Variants in KLHL2 observed in about 807,000 individuals in gnomAD.
KLHL2 encodes the protein kelch-like protein 2.
A neutral mutation model predicts 75.8 loss-of-function variants in KLHL2; 15 were observed. The observed-to-expected ratio is 0.20, with a 90% CI of 0.13 to 0.30. KLHL2 has a LOEUF of 0.30. Among genes scored for constraint, KLHL2 ranks in the 10% least tolerant of loss-of-function variants. The pLI is 1.00. For missense variants in KLHL2, 381 were observed against 741.0 expected, an observed-to-expected ratio of 0.51 and a Z score of 5.64; for synonymous variants, 214 against 251.9, an observed-to-expected ratio of 0.85 and a Z score of 1.42.
intron 8 of KLHL2, among the ~76,000 whole-genome samples, chr4:165,303,987 T>C (rs554524381): frequency 2.0e-5 from 3 of 152,236 alleles, no homozygotes; most frequent in Non-Finnish European, 4.4e-5. Flanking sequence ...GTGATTCCCA[T>C]GCCTCAGCTT....
intron 1 of KLHL2, among the ~76,000 whole-genome samples, chr4:165,215,733 T>C (rs58426709): frequency 0.2 from 31,034 of 152,008 alleles, 3,816 homozygotes; most frequent in Non-Finnish European, 0.29. Context: ...ATTTTTTTTT[T>C]CTAAAAATAC....
At chr4:165,291,958 ATGG>A (rs1245088447) in intron 5 of KLHL2, among the ~76,000 whole-genome samples, 1 of 152,020 alleles carries the variant, frequency 6.6e-6, no homozygotes, top group African/African-American at 2.4e-5. Flanking sequence ...GCCTCTCAAC[ATGG>A]TGGGATTACA....
chr4:165,230,956 T>C (rs1282960195), intron 3 of KLHL2, among the ~76,000 whole-genome samples: 1 of 152,248 alleles, frequency 6.6e-6, no homozygotes, highest in African/African-American at 2.4e-5. Context: ...TACAACTAAC[T>C]AGTAGGTAGG....
In KLHL2 at chr4:165,310,805, G is replaced by A. The variant is rs1746101367; in HGVS notation, c.1237+55G>A. ...CTGCTAAAATTAACGTAGTAGTCAT[G>A]TTTATGGAATAAATTGTGGCAACAT... On this transcript the variant is annotated intron_variant, in intron 10 of 14. Transcript: ENST00000226725. 6 of 1,296,428 alleles carry A rather than the reference G, an allele frequency of 4.6e-6. No homozygotes were observed. The South Asian group carries it at 7.1e-5, about 15-fold the overall frequency. 80.3% of individuals were successfully genotyped at this position (1,296,428 alleles called of 1,614,324 possible).
At chr4:165,219,076 G>T (rs1446569585) in intron 1 of KLHL2, among the ~76,000 whole-genome samples, 1 of 152,128 alleles carries the variant, frequency 6.6e-6, no homozygotes, top group Admixed American at 6.5e-5. Flanking sequence ...CCCTCCTCAT[G>T]GGACCCTGAT....
chr4:165,247,668 G>T (rs1740372333), intron 4 of KLHL2, among the ~76,000 whole-genome samples: 1 of 152,170 alleles, frequency 6.6e-6, no homozygotes, highest in South Asian at 2.1e-4. Flanking sequence ...CAAGTTAGTG[G>T]CTTGGATGGT....
intron 5 of KLHL2, among the ~76,000 whole-genome samples, chr4:165,266,538 G>T (rs936573399): frequency 6.6e-6 from 1 of 152,076 alleles, no homozygotes; most frequent in African/African-American, 2.4e-5. Context: ...TTCTGCATAT[G>T]GCTAGCCTGT....
intron 4 of KLHL2, among the ~76,000 whole-genome samples, chr4:165,253,063 G>A (rs112845217): frequency 1.3e-5 from 2 of 152,026 alleles, no homozygotes; most frequent in Non-Finnish European, 2.9e-5. Context: ...ACGGAGTCTC[G>A]CTCTGTTGCC....
chr4:165,286,596 G>A (rs1053597425), intron 5 of KLHL2, among the ~76,000 whole-genome samples: 2 of 152,094 alleles, frequency 1.3e-5, no homozygotes, highest in African/African-American at 4.8e-5. Flanking sequence ...AATCAGCAGA[G>A]AGGTTGAGAA....
chr4:165,242,752 C>T (rs1739916938), intron 4 of KLHL2, among the ~76,000 whole-genome samples: 1 of 152,144 alleles, frequency 6.6e-6, no homozygotes, highest in African/African-American at 2.4e-5. Flanking sequence ...CAACCTTGGC[C>T]TCCTCAAGTG....
At chr4:165,311,011 C>A (rs149482748) in intron 10 of KLHL2, among the ~76,000 whole-genome samples, 2,270 of 151,986 alleles carry the variant, frequency 0.015, 38 homozygotes, top group East Asian at 0.09. Flanking sequence ...CCCGCCACCA[C>A]GCCCGGCTAA....
chr4:165,304,021 G>A lies in KLHL2; in HGVS notation c.922-1587G>A, dbSNP rs572623573. Among the ~76,000 whole-genome samples the A allele has an allele frequency of 5.9e-5, 9 of 152,124 alleles. No homozygotes were observed. In the East Asian group the frequency reaches 1.7e-3, roughly 29 times the overall value. On this transcript the variant is annotated intron_variant, in intron 8 of 14. Coordinates refer to ENST00000226725, the MANE Select transcript of KLHL2 (RefSeq NM_007246.4). ...TTCCCCAGTAGCTGGGATTACAGGT[G>A]TGCACCACCATGCCTGGCCAATTTT...
At chr4:165,229,277 C>T (rs1363386817) in intron 3 of KLHL2, among the ~76,000 whole-genome samples, 1 of 151,922 alleles carries the variant, frequency 6.6e-6, no homozygotes, top group Non-Finnish European at 1.5e-5. Flanking sequence ...TTACATTGAA[C>T]AAAAAGATGT....
In KLHL2 at chr4:165,313,250, C is replaced by T. The variant is rs1456020626; in HGVS notation, c.1352C>T (p.Ala451Val). The change falls in exon 12 of 15, where the codon GCT becomes GTT. Residue 451 changes from alanine to valine, a missense_variant. Physicochemically the swap from Ala to Val is moderately conservative, Grantham distance 64. Coordinates refer to ENST00000226725, the MANE Select transcript of KLHL2 (RefSeq NM_007246.4). ...ATTTTATGTGTAGGTTTGCTCTATG[C>T]TGTAGGAGGTTATGATGGAGCATCA... is the stretch of plus-strand genomic sequence containing the variant. ...GVGVVGGLLYAVGGYDGASRQ... is the reference protein window; with the variant it reads ...GVGVVGGLLYVVGGYDGASRQ... 1 of 1,610,514 alleles carries T rather than the reference C, an allele frequency of 6.2e-7. No individual in the cohort carries two copies. The highest frequency in any genetic ancestry group is 8.5e-7 in the Non-Finnish European group (1 of 1,178,564).
intron 5 of KLHL2, among the ~76,000 whole-genome samples, chr4:165,263,805 G>GTTTT (rs55901119): frequency 2.7e-4 from 18 of 66,476 alleles, no homozygotes; most frequent in Non-Finnish European, 3.5e-4. Flanking sequence ...TTTTTACATT[G>GTTTT]TTTTTTTTTT....
At chr4:165,210,347 G>A (rs975300459) in intron 1 of KLHL2, among the ~76,000 whole-genome samples, 3 of 152,142 alleles carry the variant, frequency 2.0e-5, no homozygotes, top group African/African-American at 4.8e-5. Context: ...TTGTCTTGGA[G>A]GGAGGTCAGG....
chr4:165,223,052 A>G (rs1346210293), intron 2 of KLHL2, among the ~76,000 whole-genome samples: 2 of 152,162 alleles, frequency 1.3e-5, no homozygotes, highest in Non-Finnish European at 2.9e-5. Flanking sequence ...GAAAAAGTAC[A>G]TGACATTTTA....
intron 3 of KLHL2, among the ~76,000 whole-genome samples, chr4:165,235,327 C>T (rs578028062): frequency 1.0e-3 from 157 of 152,222 alleles, no homozygotes; most frequent in African/African-American, 3.4e-3. Flanking sequence ...CAGCCTCTCA[C>T]GTAGCTGGGA....
chr4:165,309,042 C>T (rs906102596), intron 9 of KLHL2, among the ~76,000 whole-genome samples: 14 of 152,198 alleles, frequency 9.2e-5, no homozygotes, highest in African/African-American at 1.4e-4. Context: ...ACATTGAGCT[C>T]GTCAAACATA....
Sources: gnomAD v4.1 joint callset for allele counts (sites outside exome capture counted in the v4.1 genomes callset) on GRCh38, gnomAD v4.1.1 for gene constraint, MANE v1.5 for transcripts, NCBI Gene and HGNC (gene_info 2026-07-23, HGNC 2026-07-21) for gene names.